GPSM3: variants seen among roughly 807,000 people sequenced by gnomAD.
GPSM3 encodes the protein G protein-signaling modulator 3.
A neutral mutation model predicts 20.4 loss-of-function variants in GPSM3; 16 were observed. The observed-to-expected ratio is 0.78, with a 90% CI of 0.53 to 1.19. The LOEUF (loss-of-function observed/expected upper bound fraction) is 1.19, where lower values mean the gene tolerates loss of function less well. Ranked by LOEUF, GPSM3 falls within the 50% of genes most tolerant of loss-of-function variation. GPSM3 has a pLI of 0.00. For missense variants in GPSM3, 177 were observed against 204.6 expected (o/e 0.86, Z 0.82); for synonymous variants, 70 against 79.6 (o/e 0.88, Z 0.64).
chr6:32,191,247 T>G lies in GPSM3; in HGVS notation c.*119A>C. 2.1e-4 allele frequency: 257 copies of G among 1,199,768 alleles called. No homozygotes were observed. Among genetic ancestry groups the G allele is most frequent in the Non-Finnish European group, 2.6e-4 (227 of 870,376 alleles). The allele number at this position is 1,199,768 out of a possible 1,614,324, so 74.3% of individuals were successfully genotyped here. On this transcript the variant is annotated 3_prime_UTR_variant, in exon 4 of 4. Transcript: ENST00000375040. This position sits in a 1 kb window ranked among gnomAD's most constrained non-coding sequence, Gnocchi z 5.9. ...GGAAGGTGATGTGGGAGATGAATAT[T>G]GAGATTTGTGCCGTGTCTTTCAGTC... is the stretch of plus-strand genomic sequence containing the variant.
upstream of GPSM3, among the ~76,000 whole-genome samples, chr6:32,193,500 CAAAAT>C (rs541907627): frequency 1.3e-5 from 2 of 151,614 alleles, no homozygotes; most frequent in South Asian, 2.1e-4. The surrounding 1 kb of genome is among the most constrained non-coding windows in gnomAD (Gnocchi z 4.7). Context: ...ACTCCGTCTC[CAAAAT>C]AAAATAAAAT....
At position 32,192,131 on chromosome 6, in the gene GPSM3, T is replaced by C; in HGVS notation, c.145+17A>G. On this transcript the variant is annotated intron_variant, in intron 2 of 3. Transcript: ENST00000375040. This position sits in a 1 kb window ranked among gnomAD's most constrained non-coding sequence, Gnocchi z 5.1. ...TGGGCACTAGGGTCGGGGCTCTCCCTGGGTGGGTAGGGGTACCTGTGTGGC... is the reference window on the plus strand; with the variant it reads ...TGGGCACTAGGGTCGGGGCTCTCCCCGGGTGGGTAGGGGTACCTGTGTGGC... The C allele has an allele frequency of 2.0e-6, 3 of 1,502,566 alleles. No homozygotes were observed. Among genetic ancestry groups the C allele is most frequent in the Non-Finnish European group, 2.7e-6 (3 of 1,122,694 alleles). 93.1% of individuals were successfully genotyped at this position (1,502,566 alleles called of 1,614,324 possible).
In GPSM3 at chr6:32,191,596, G is replaced by A. The variant is rs952605990; in HGVS notation, c.346-93C>T. On this transcript the variant is annotated intron_variant, in intron 3 of 3. Coordinates refer to ENST00000375040, the MANE Select transcript of GPSM3 (RefSeq NM_001276501.2). The surrounding 1 kb of genome is among the most constrained non-coding windows in gnomAD (Gnocchi z 5.9). ...AAGGGTTGGTATGGGGAGGCATATAGGAAACCTGTGAAGGCGATGGGGTGC... is the reference window on the plus strand; with the variant it reads ...AAGGGTTGGTATGGGGAGGCATATAAGAAACCTGTGAAGGCGATGGGGTGC... 4 of 1,494,050 alleles carry A rather than the reference G, an allele frequency of 2.7e-6. No individual in the cohort carries two copies. The highest frequency in any genetic ancestry group is 3.6e-6 in the Non-Finnish European group (4 of 1,111,334). The allele number at this position is 1,494,050 out of a possible 1,614,324, so 92.5% of individuals were successfully genotyped here. A position where few individuals can be genotyped will look rare whatever the true frequency, so the allele number is the denominator to read the frequency against.
chr6:32,191,743 C>G lies in GPSM3; in HGVS notation c.311G>C (p.Arg104Thr). ...APAPLRPLED[R>T]EQLYSTILSH... ...GAGGATAGTGCTGTAAAGCTGTTCT[C>G]TGTCCTCGAGAGGACGGAGTGGGGC... The change falls in exon 3 of 4, where the codon AGA becomes ACA. Residue 104 changes from arginine (R) to threonine (T), a missense_variant. Arg to Thr is a moderately conservative substitution (Grantham distance 71, BLOSUM62 -1). Transcript: ENST00000375040. This position sits in a 1 kb window ranked among gnomAD's most constrained non-coding sequence, Gnocchi z 5.9. 6.2e-7 allele frequency: 1 copy of G among 1,612,464 alleles called. No homozygotes were observed. The highest frequency in any genetic ancestry group is 8.5e-7 in the Non-Finnish European group (1 of 1,179,734).
chr6:32,192,851 T>G (rs372556458), upstream of GPSM3: 93 of 310,484 alleles, frequency 3.0e-4, no homozygotes, highest in South Asian at 7.5e-3. This position sits in a 1 kb window ranked among gnomAD's most constrained non-coding sequence, Gnocchi z 5.1. Flanking sequence ...AGAGCCTCAG[T>G]AGTCCCCTAA....
Position 32,191,354 on chromosome 6 carries a change from G to A in GPSM3, c.*12C>T. ...GACCAGTGGCAAGGAAGGGCTGGTT[G>A]GGGCTCAAGTCTCAGCAGGTGTGTG... On this transcript the variant is annotated 3_prime_UTR_variant, in exon 4 of 4. Transcript: ENST00000375040. The surrounding 1 kb of genome is among the most constrained non-coding windows in gnomAD (Gnocchi z 5.9). 4 of 1,573,774 alleles carry A rather than the reference G, an allele frequency of 2.5e-6. No individual in the cohort carries two copies. The highest frequency in any genetic ancestry group is 1.2e-5 in the South Asian group (1 of 84,788).
upstream of GPSM3, chr6:32,194,920 C>T (rs144441716): frequency 8.9e-4 from 210 of 234,730 alleles, 1 homozygote; most frequent in African/African-American, 4.4e-3. The surrounding 1 kb of genome is among the most constrained non-coding windows in gnomAD (Gnocchi z 4.5). Flanking sequence ...AGAAGAAGCG[C>T]TTCATCCCCA....
Position 32,192,568 on chromosome 6 carries a change from C to A in GPSM3, c.-55G>T. The A allele has an allele frequency of 7.5e-7, 1 of 1,330,666 alleles. No individual in the cohort carries two copies. 82.4% of individuals were successfully genotyped at this position (1,330,666 alleles called of 1,614,324 possible). On this transcript the variant is annotated 5_prime_UTR_variant, in exon 1 of 4. Transcript: ENST00000375040. This position sits in a 1 kb window ranked among gnomAD's most constrained non-coding sequence, Gnocchi z 5.1. ...GGGTGGCTGGGATTTGGGAGGAGGG[C>A]TGGAACCTTGGGTTCCTGAGGGGAG...
upstream of GPSM3, among the ~76,000 whole-genome samples, chr6:32,194,578 G>A (rs1561905216): frequency 6.6e-6 from 1 of 152,054 alleles, no homozygotes; most frequent in South Asian, 2.1e-4. This position sits in a 1 kb window ranked among gnomAD's most constrained non-coding sequence, Gnocchi z 4.5. Context: ...GTTCCTAAGA[G>A]GCCATGGACC....
Position 32,192,423 on chromosome 6 carries a change from C to G in GPSM3, c.42+49G>C. 1 of 1,557,288 alleles carries G rather than the reference C, an allele frequency of 6.4e-7. No individual in the cohort carries two copies. Among genetic ancestry groups the G allele is most frequent in the Non-Finnish European group, 8.7e-7 (1 of 1,146,514 alleles). On this transcript the variant is annotated intron_variant, in intron 1 of 3. Transcript: ENST00000375040. The surrounding 1 kb of genome is among the most constrained non-coding windows in gnomAD (Gnocchi z 5.1). ...TACATTTCTGCCCCAGGTCCTCTCA[C>G]CTCCCTTCTTTCCCAGTGTCAGCCT...
At chr6:32,193,619 T>A (rs3132940), upstream of GPSM3, among the ~76,000 whole-genome samples, 1 of 152,134 alleles carries the variant, frequency 6.6e-6, no homozygotes, top group African/African-American at 2.4e-5. The surrounding 1 kb of genome is among the most constrained non-coding windows in gnomAD (Gnocchi z 4.7). Flanking sequence ...GCAGGGGAAA[T>A]TTTATTTTGG....
Position 32,192,244 on chromosome 6 carries a change from G to C in GPSM3, c.49C>G (p.Pro17Ala). The change falls in exon 2 of 4, where the codon CCT (proline) becomes GCT (alanine). Residue 17 changes from proline to alanine, a missense_variant. Pro to Ala is a conservative substitution (Grantham distance 27). Transcript: ENST00000375040. The surrounding 1 kb of genome is among the most constrained non-coding windows in gnomAD (Gnocchi z 5.1). ...GGGGGCCAGCCTTCCTCATCCTGAGGGGGGCCCTGATGCCAAAATATGTCC... is the reference window on the plus strand; with the variant it reads ...GGGGGCCAGCCTTCCTCATCCTGAGCGGGGCCCTGATGCCAAAATATGTCC... Reference protein sequence around the residue: ...QEEEDGEQGPPQDEEGWPPPN... With the variant: ...QEEEDGEQGPAQDEEGWPPPN... 8 of 1,522,394 alleles carry C rather than the reference G, an allele frequency of 5.3e-6. No individual in the cohort carries two copies. The highest frequency in any genetic ancestry group is 7.0e-6 in the Non-Finnish European group (8 of 1,135,338). 94.3% of individuals were successfully genotyped at this position (1,522,394 alleles called of 1,614,324 possible).
In GPSM3 at chr6:32,192,376, C is replaced by G. The variant is rs2269420; in HGVS notation, c.42+96G>C. ...CTGTTCCTGCCTCAGTTTGCCCAAG[C>G]CTTTCAAGGCCCCTGTGTCCCTACA... On this transcript the variant is annotated intron_variant, in intron 1 of 3. Coordinates refer to ENST00000375040, the MANE Select transcript of GPSM3 (RefSeq NM_001276501.2). The surrounding 1 kb of genome is among the most constrained non-coding windows in gnomAD (Gnocchi z 5.1). 4.6e-4 allele frequency: 655 copies of G among 1,434,764 alleles called. 17 individuals are homozygous for G. The South Asian group carries it at 8.0e-3, about 18-fold the overall frequency. The allele number at this position is 1,434,764 out of a possible 1,614,324, so 88.9% of individuals were successfully genotyped here. A position where few individuals can be genotyped will look rare whatever the true frequency, so the allele number is the denominator to read the frequency against.
At position 32,192,037 on chromosome 6, in the gene GPSM3, C is replaced by T; in HGVS notation, c.145+111G>A. 8.0e-7 allele frequency: 1 copy of T among 1,246,800 alleles called. No individual in the cohort carries two copies. The highest frequency in any genetic ancestry group is 1.1e-6 in the Non-Finnish European group (1 of 876,966). The allele number at this position is 1,246,800 out of a possible 1,614,324, so 77.2% of individuals were successfully genotyped here. On this transcript the variant is annotated intron_variant, in intron 2 of 3. Coordinates refer to ENST00000375040, the MANE Select transcript of GPSM3 (RefSeq NM_001276501.2). The surrounding 1 kb of genome is among the most constrained non-coding windows in gnomAD (Gnocchi z 5.1). ...GGAGAGGGGGTGCAATGGGGAATCC[C>T]AAGGGGAGTCTGGAGGAGGTGGGGA...
rs1251682946 is a variant in GPSM3, at chr6:32,192,238, C to G, written c.55G>C (p.Asp19His). 1.3e-6 allele frequency: 2 copies of G among 1,518,340 alleles called. No homozygotes were observed. The highest frequency in any genetic ancestry group is 1.8e-6 in the Non-Finnish European group (2 of 1,133,594). 94.1% of individuals were successfully genotyped at this position (1,518,340 alleles called of 1,614,324 possible). Reference sequence around the variant, plus strand: ...TTTGGAGGGGGCCAGCCTTCCTCATCCTGAGGGGGGCCCTGATGCCAAAAT... The same window carrying G: ...TTTGGAGGGGGCCAGCCTTCCTCATGCTGAGGGGGGCCCTGATGCCAAAAT... ...EEDGEQGPPQ[D>H]EEGWPPPNST... Residue 19 changes from aspartate (D) to histidine (H), a missense_variant, in exon 2 of 4, where the codon GAT becomes CAT. Asp to His is a moderately conservative substitution (Grantham distance 81). Transcript: ENST00000375040. The surrounding 1 kb of genome is among the most constrained non-coding windows in gnomAD (Gnocchi z 5.1).
At position 32,192,127 on chromosome 6, in the gene GPSM3, T is replaced by G. The variant is rs750178051; in HGVS notation, c.145+21A>C. 1 of 1,498,210 alleles carries G rather than the reference T, an allele frequency of 6.7e-7. No homozygotes were observed. The highest frequency in any genetic ancestry group is 2.3e-5 in the East Asian group (1 of 43,532). The allele number at this position is 1,498,210 out of a possible 1,614,324, so 92.8% of individuals were successfully genotyped here. A position where few individuals can be genotyped will look rare whatever the true frequency, so the allele number is the denominator to read the frequency against. ...GATGTGGGCACTAGGGTCGGGGCTC[T>G]CCCTGGGTGGGTAGGGGTACCTGTG... On this transcript the variant is annotated intron_variant, in intron 2 of 3. Transcript: ENST00000375040. This position sits in a 1 kb window ranked among gnomAD's most constrained non-coding sequence, Gnocchi z 5.1.
chr6:32,192,624 G>A lies in GPSM3; in HGVS notation c.-111C>T. 1.5e-6 allele frequency: 1 copy of A among 653,946 alleles called. No individual in the cohort carries two copies. The allele number at this position is 653,946 out of a possible 1,614,324, so 40.5% of individuals were successfully genotyped here. The stretch of plus-strand genomic sequence containing the variant: ...GCTGGAAGGGGTGGGGGTGAGCTGG[G>A]GGCTGGATGCCTGGGTACTGAGCAG... On this transcript the variant is annotated 5_prime_UTR_variant, in exon 1 of 4. Transcript: ENST00000375040. This position sits in a 1 kb window ranked among gnomAD's most constrained non-coding sequence, Gnocchi z 5.1.
chr6:32,191,869 G>C lies in GPSM3; in HGVS notation c.185C>G (p.Thr62Ser). ...AGCCACCAGGTCCAGAAGGAGTTCAGTCTGCAGGGAGAGCAGGGAGGCCGA... is the reference window on the plus strand; with the variant it reads ...AGCCACCAGGTCCAGAAGGAGTTCACTCTGCAGGGAGAGCAGGGAGGCCGA... ...PRSASLLSLQ[T>S]ELLLDLVAEA... The change falls in exon 3 of 4, where the codon ACT becomes AGT. Residue 62 changes from threonine to serine, a missense_variant. Transcript: ENST00000375040. This position sits in a 1 kb window ranked among gnomAD's most constrained non-coding sequence, Gnocchi z 5.9. The C allele has an allele frequency of 6.2e-7, 1 of 1,611,844 alleles. No individual in the cohort carries two copies. Among genetic ancestry groups the C allele is most frequent in the Non-Finnish European group, 8.5e-7 (1 of 1,179,764 alleles).
chr6:32,192,221 G>A lies in GPSM3; in HGVS notation c.72C>T (p.Pro24=). The stretch of plus-strand genomic sequence containing the variant: ...AAGGCCGAGTGGTGGAGTTTGGAGG[G>A]GGCCAGCCTTCCTCATCCTGAGGGG... The part of the protein sequence containing the change: ...QGPPQDEEGW[P]PPNSTTRPWR... The change falls in exon 2 of 4, where the codon CCC becomes CCT. Residue 24 remains proline (P), a synonymous_variant. Coordinates refer to ENST00000375040, the MANE Select transcript of GPSM3 (RefSeq NM_001276501.2). This position sits in a 1 kb window ranked among gnomAD's most constrained non-coding sequence, Gnocchi z 5.1. 6.6e-7 allele frequency: 1 copy of A among 1,514,572 alleles called. No individual in the cohort carries two copies. The highest frequency in any genetic ancestry group is 8.8e-7 in the Non-Finnish European group (1 of 1,131,822). The allele number at this position is 1,514,572 out of a possible 1,614,324, so 93.8% of individuals were successfully genotyped here. A position where few individuals can be genotyped will look rare whatever the true frequency, so the allele number is the denominator to read the frequency against.
Sources: allele counts gnomAD v4.1 joint callset (sites outside exome capture counted in the v4.1 genomes callset), GRCh38; gene constraint gnomAD v4.1.1; non-coding constraint Gnocchi (gnomAD v3.1); transcripts MANE v1.5; gene names NCBI Gene and HGNC (gene_info 2026-07-23, HGNC 2026-07-21).